The following DAB2IP variants were observed in gnomAD, a reference collection of about 807,000 sequenced individuals.
DAB2IP encodes the protein DAB2 interacting protein, also known as disabled homolog 2-interacting protein.
In DAB2IP, 28 loss-of-function variants were observed where a neutral mutation model predicts 107.2. The observed-to-expected ratio is 0.26, with a 90% confidence interval of 0.19 to 0.36. DAB2IP has a LOEUF of 0.36. DAB2IP is among the 10% of genes least tolerant of loss of function. DAB2IP has a pLI of 1.00. For synonymous variants in DAB2IP, 755 were observed against 706.4 expected (o/e 1.07, Z -1.09); for missense variants, 1,400 against 1,644.7 (o/e 0.85, Z 2.57).
chr9:121,608,926 TTTTGTTTG>T (rs532891232), intron 1 of DAB2IP, among the ~76,000 whole-genome samples: 145 of 152,016 alleles, frequency 9.5e-4, no homozygotes, highest in Middle Eastern at 3.4e-3. Context: ...TTTTTCTAGT[TTTTGTTTG>T]TTTGTTTGTT....
At chr9:121,775,133 A>C (rs1267048708) in intron 13 of DAB2IP, among the ~76,000 whole-genome samples, 1 of 152,118 alleles carries the variant, frequency 6.6e-6, no homozygotes, top group South Asian at 2.1e-4. Context: ...TTTGTCTCCT[A>C]CTGCCAGCTG....
At chr9:121,773,774 A>G (rs1421134280) in intron 12 of DAB2IP, among the ~76,000 whole-genome samples, 1 of 152,168 alleles carries the variant, frequency 6.6e-6, no homozygotes, top group East Asian at 1.9e-4. Flanking sequence ...GAGTGCATTC[A>G]TCTTCGGTTC....
chr9:121,643,980 C>A (rs571283443), intron 1 of DAB2IP, among the ~76,000 whole-genome samples: 101 of 152,252 alleles, frequency 6.6e-4, no homozygotes, highest in Middle Eastern at 3.4e-3. Flanking sequence ...CCAGTCTGAG[C>A]ATCATGGCAA....
chr9:121,745,927 G>C (rs1039514001), intron 3 of DAB2IP, among the ~76,000 whole-genome samples: 1 of 152,218 alleles, frequency 6.6e-6, no homozygotes, highest in Admixed American at 6.5e-5. Context: ...GCCAGCATTT[G>C]TTCGTAGATT....
At chr9:121,570,109 T>C (rs1219832292) in intron 1 of DAB2IP, among the ~76,000 whole-genome samples, 1 of 17,120 alleles carries the variant, frequency 5.8e-5, no homozygotes, top group African/African-American at 8.9e-4. Flanking sequence ...CTCTTTCTCT[T>C]TTTTTTTTTT....
rs573546680 is a variant in DAB2IP, at chr9:121,582,425, G to T, written c.40+15197G>T. On this transcript the variant is annotated intron_variant, in intron 1 of 16. Coordinates refer to the DAB2IP transcript ENST00000259371. ...CAGAGGAGGGTGCGGGCTGTGGGGG[G>T]TGAGAAGGAAGGGAAGCCCCATTTT... is the stretch of plus-strand genomic sequence containing the variant. 2.0e-5 allele frequency among the ~76,000 whole-genome samples: 3 copies of T among 152,224 alleles called. No individual in the cohort carries two copies. The South Asian group carries it at 6.2e-4, about 32-fold the overall frequency.
At chr9:121,649,225 C>A (rs1564133051), upstream of DAB2IP, among the ~76,000 whole-genome samples, 1 of 145,000 alleles carries the variant, frequency 6.9e-6, no homozygotes, top group Non-Finnish European at 1.6e-5. Context: ...ACTAGCTGAC[C>A]CTCCTTCCTC....
chr9:121,774,029 A>G lies in DAB2IP; in HGVS notation c.2968-231A>G, dbSNP rs373753982. On this transcript the variant is annotated intron_variant, in intron 12 of 15. Coordinates refer to ENST00000408936, the Ensembl canonical transcript of DAB2IP. ...GGTCACTCACTGTCCTCTTGGCAGCAGAGTGTGGTGCTCAGGAGGCCACCT... is the reference window on the plus strand; with the variant it reads ...GGTCACTCACTGTCCTCTTGGCAGCGGAGTGTGGTGCTCAGGAGGCCACCT... 2.4e-4 allele frequency among the ~76,000 whole-genome samples: 36 copies of G among 152,294 alleles called. No homozygotes were observed. The East Asian group carries it at 6.6e-3, about 28-fold the overall frequency.
intron 1 of DAB2IP, among the ~76,000 whole-genome samples, chr9:121,626,691 T>C (rs1459490095): frequency 1.3e-5 from 2 of 152,050 alleles, no homozygotes; most frequent in African/African-American, 4.8e-5. Context: ...CCCAAAGTGC[T>C]GGGATTACAG....
At chr9:121,763,961 T>G (rs1834078240) in intron 8 of DAB2IP, 82 bp downstream of exon 8, 3 of 1,555,020 alleles carry the variant, frequency 1.9e-6, no homozygotes, top group Non-Finnish European at 2.6e-6. Context: ...GTGTGCCTGA[T>G]GCTGCCTGGC....
intron 1 of DAB2IP, among the ~76,000 whole-genome samples, chr9:121,588,283 T>A (rs1408026806): frequency 6.6e-6 from 1 of 151,910 alleles, no homozygotes; most frequent in African/African-American, 2.4e-5. Flanking sequence ...GGCCTCTCCA[T>A]CCCTCCTGTG....
At chr9:121,718,400 T>G (rs1248609789) in intron 3 of DAB2IP, among the ~76,000 whole-genome samples, 1 of 152,166 alleles carries the variant, frequency 6.6e-6, no homozygotes, top group Non-Finnish European at 1.5e-5. Context: ...CAACATACGC[T>G]GGGATGGGCT....
chr9:121,714,574 A>G (rs983872327), intron 3 of DAB2IP, among the ~76,000 whole-genome samples: 25 of 152,212 alleles, frequency 1.6e-4, no homozygotes, highest in Admixed American at 6.5e-4. Flanking sequence ...ACAATGGGAC[A>G]GGTGCTCTGA....
intron 1 of DAB2IP, among the ~76,000 whole-genome samples, chr9:121,597,208 T>C (rs1447906200): frequency 6.6e-6 from 1 of 152,228 alleles, no homozygotes; most frequent in Non-Finnish European, 1.5e-5. Flanking sequence ...GCTTTTGAGG[T>C]CTTCTTTAAG....
chr9:121,710,381 C>T (rs1280813085), intron 3 of DAB2IP, among the ~76,000 whole-genome samples: 1 of 152,122 alleles, frequency 6.6e-6, no homozygotes, highest in Admixed American at 6.5e-5. Flanking sequence ...GTAGGGGTGG[C>T]AGTGGAGGCA....
intron 2 of DAB2IP, among the ~76,000 whole-genome samples, chr9:121,692,072 C>CCCCA (rs1416880995): frequency 6.6e-6 from 1 of 152,188 alleles, no homozygotes; most frequent in Non-Finnish European, 1.5e-5. Flanking sequence ...GTCCTGAGAT[C>CCCCA]TGGGCTCCTA....
chr9:121,721,176 T>C (rs1830908689), intron 3 of DAB2IP, among the ~76,000 whole-genome samples: 1 of 152,138 alleles, frequency 6.6e-6, no homozygotes. Flanking sequence ...GTGGCACAGC[T>C]TCTGATGTAA....
intron 3 of DAB2IP, among the ~76,000 whole-genome samples, chr9:121,718,774 G>T (rs991969557): frequency 6.6e-6 from 1 of 152,180 alleles, no homozygotes; most frequent in Admixed American, 6.5e-5. Flanking sequence ...GGAGTTCCCC[G>T]GCTCGTGTTG....
At chr9:121,713,927 C>T (rs1830462772) in intron 3 of DAB2IP, among the ~76,000 whole-genome samples, 1 of 152,180 alleles carries the variant, frequency 6.6e-6, no homozygotes, top group African/African-American at 2.4e-5. Flanking sequence ...AGATCCGACG[C>T]CCTGACTTCC....
Sources: allele counts gnomAD v4.1 joint callset (sites outside exome capture counted in the v4.1 genomes callset), GRCh38; gene constraint gnomAD v4.1.1; transcripts MANE v1.5; gene names NCBI Gene and HGNC (gene_info 2026-07-23, HGNC 2026-07-21).